The following DNAH10 variants were observed in gnomAD, a reference collection of about 807,000 sequenced individuals.
DNAH10 encodes the protein dynein axonemal heavy chain 10.
Under a neutral mutation model 506.6 loss-of-function variants are expected in DNAH10, and 348 were observed. The observed-to-expected ratio is 0.69, with a 90% CI of 0.63 to 0.75. The LOEUF (loss-of-function observed/expected upper bound fraction) is 0.75, where lower values mean the gene tolerates loss of function less well. Ranked by LOEUF, DNAH10 falls within the 30% of genes least tolerant of loss-of-function variation. The probability of loss-of-function intolerance (pLI) is 0.00; values close to 1 mark genes in which losing one functional copy is unlikely to be tolerated. For synonymous variants in DNAH10, 2,059 were observed against 2,198.6 expected (o/e 0.94, Z 1.78); for missense variants, 5,179 against 5,787.1 (o/e 0.89, Z 3.41).
In DNAH10 at chr12:123,916,326, CT is replaced by C. The variant is rs1286699144; in HGVS notation, c.10723-129del. On this transcript the variant is annotated intron_variant, in intron 62 of 78. Transcript: ENST00000673944. This position sits in a 1 kb window ranked among gnomAD's most constrained non-coding sequence, Gnocchi z 4.6. ...TATGCGTTATACCCCTTGCTTCTCT[CT>C]TCTTTTCACCTCTGGCCCCCTCCAA... 1.6e-6 allele frequency: 2 copies of C among 1,215,650 alleles called. No homozygotes were observed. Among genetic ancestry groups the C allele is most frequent in the Non-Finnish European group, 2.3e-6 (2 of 870,736 alleles). The allele number at this position is 1,215,650 out of a possible 1,614,324, so 75.3% of individuals were successfully genotyped here. A position where few individuals can be genotyped will look rare whatever the true frequency, so the allele number is the denominator to read the frequency against.
intron 24 of DNAH10, among the ~76,000 whole-genome samples, chr12:123,825,416 G>A (rs1959870770): frequency 6.6e-6 from 1 of 152,212 alleles, no homozygotes. Context: ...TAAATAAGCT[G>A]TGGCTCATCC....
intron 48 of DNAH10, among the ~76,000 whole-genome samples, chr12:123,878,596 C>T (rs914314618): frequency 6.6e-6 from 1 of 152,052 alleles, no homozygotes; most frequent in Non-Finnish European, 1.5e-5. Flanking sequence ...TGAGTTGGCT[C>T]TTAGAAAAAG....
intron 52 of DNAH10, among the ~76,000 whole-genome samples, chr12:123,891,861 G>T (rs1174471185): frequency 1.3e-5 from 2 of 152,182 alleles, no homozygotes; most frequent in Non-Finnish European, 2.9e-5. Flanking sequence ...GTGCATGGGG[G>T]ACCCTAGGGA....
chr12:123,799,191 G>GTAAC, intron 13 of DNAH10, 55 bp from the exon 14 acceptor site: 1 of 1,502,208 alleles, frequency 6.7e-7, no homozygotes. Context: ...TGTAGAGCGA[G>GTAAC]ATGAAAAATG....
intron 29 of DNAH10, among the ~76,000 whole-genome samples, chr12:123,840,394 GTTTTTTTTTTTTT>G (rs71088961): frequency 1.9e-4 from 7 of 37,758 alleles, no homozygotes; most frequent in South Asian, 1.2e-3. Flanking sequence ...TCTGTTTCCA[GTTTTTTTTTTTTT>G]TTTTTTTTTT....
At position 123,826,728 on chromosome 12, in the gene DNAH10, G is replaced by C; in HGVS notation, c.4221G>C (p.Leu1407=). The stretch of plus-strand genomic sequence containing the variant: ...GGTCTCAGACCCTTTGGATCAACCT[G>C]AATGTGCAGATTCTCCAGGAAGGAA... ...EEWSQTLWIN[L]NVQILQEGIE... The change falls in exon 25 of 79, where the codon CTG becomes CTC. Residue 1407 remains leucine, a synonymous_variant. Coordinates refer to ENST00000673944, the MANE Select transcript of DNAH10 (RefSeq NM_001372106.1). 6.2e-7 allele frequency: 1 copy of C among 1,613,834 alleles called. No individual in the cohort carries two copies. The highest frequency in any genetic ancestry group is 8.5e-7 in the Non-Finnish European group (1 of 1,179,774).
chr12:123,908,102 C>CTGTCTCCTCCCTGTCTCT lies in DNAH10; in HGVS notation c.9816-1159_9816-1158insTGTCTCCTCCCTGTCTCT, dbSNP rs1566082840. On this transcript the variant is annotated intron_variant, in intron 57 of 78. Coordinates refer to ENST00000673944, the MANE Select transcript of DNAH10 (RefSeq NM_001372106.1). ...TGTCTCTCTGTCTCCTCCCTGTCTCCCTGTCTCCTCCCTGTCTCTCTGTCT... is the reference window on the plus strand; with the variant it reads ...TGTCTCTCTGTCTCCTCCCTGTCTCCTGTCTCCTCCCTGTCTCTCTGTCTCCTCCCTGTCTCTCTGTCT... Among the ~76,000 whole-genome samples, 8 of 108,230 alleles carry CTGTCTCCTCCCTGTCTCT rather than the reference C, an allele frequency of 7.4e-5. 1 individual carries two copies. Among genetic ancestry groups the CTGTCTCCTCCCTGTCTCT allele is most frequent in the African/African-American group, 3.1e-4 (7 of 22,236 alleles). The allele number at this position is 108,230 out of a possible 152,430, so 71.0% of individuals were successfully genotyped here. A position where few individuals can be genotyped will look rare whatever the true frequency, so the allele number is the denominator to read the frequency against.
intron 70 of DNAH10, chr12:123,929,049 T>C (rs1478155527): frequency 3.4e-6 from 2 of 594,354 alleles, no homozygotes; most frequent in African/African-American, 3.7e-5. Context: ...AAGGATCTCA[T>C]GGTTCAGAGG....
At position 123,898,684 on chromosome 12, in the gene DNAH10, C is replaced by G. The variant is rs189113355; in HGVS notation, c.9510C>G (p.Asp3170Glu). 6.3e-7 allele frequency: 1 copy of G among 1,596,138 alleles called. No homozygotes were observed. Among genetic ancestry groups the G allele is most frequent in the Non-Finnish European group, 8.5e-7 (1 of 1,171,666 alleles). The change falls in exon 56 of 79, where the codon GAC becomes GAG. Residue 3170 changes from aspartate to glutamate, a missense_variant. By Grantham distance (45) the Asp-to-Glu change is conservative (BLOSUM62 2). Transcript: ENST00000673944. Reference sequence around the variant, plus strand: ...GCAAGCGTCTGGATGGGGGACTGGACAAGCTGAAGGAGGCCACCATCCAGC... The same window carrying G: ...GCAAGCGTCTGGATGGGGGACTGGAGAAGCTGAAGGAGGCCACCATCCAGC... ...AQCKRLDGGLDKLKEATIQLD... is the reference protein window; with the variant it reads ...AQCKRLDGGLEKLKEATIQLD...
At chr12:123,901,154 G>C (rs1011687224) in intron 56 of DNAH10, among the ~76,000 whole-genome samples, 2 of 152,198 alleles carry the variant, frequency 1.3e-5, no homozygotes, top group African/African-American at 4.8e-5. Flanking sequence ...CAAGCACCTG[G>C]CTTCGCCAGC....
chr12:123,788,213 C>T lies in DNAH10; in HGVS notation c.1620+211C>T, dbSNP rs552550188. 1.4e-3 allele frequency among the ~76,000 whole-genome samples: 212 copies of T among 152,332 alleles called. 1 individual carries two copies. The highest frequency in any genetic ancestry group is 3.4e-3 in the Middle Eastern group (1 of 294). On this transcript the variant is annotated intron_variant, in intron 10 of 78. Transcript: ENST00000673944. ...TGCGACTTTTTGTTGCTTTCTCTGA[C>T]ATTCTTCCCTCTCCCTGCTTTTTGG...
rs567458918 is a variant in DNAH10, at chr12:123,867,943, G to A, written c.7343G>A (p.Gly2448Glu). 2.5e-6 allele frequency: 4 copies of A among 1,613,832 alleles called. No individual in the cohort carries two copies. The highest frequency in any genetic ancestry group is 3.4e-6 in the Non-Finnish European group (4 of 1,179,864). The change falls in exon 43 of 79, where the codon GGA becomes GAA. Residue 2448 changes from glycine to glutamate, a missense_variant. By Grantham distance (98) the Gly-to-Glu change is moderately conservative (BLOSUM62 -2). This residue lies in a region of DNAH10 where 4,844 missense variants were observed against 5,430.5 expected (regional missense o/e 0.89). Coordinates refer to ENST00000673944, the MANE Select transcript of DNAH10 (RefSeq NM_001372106.1). The part of the protein sequence containing the change: ...LAKMLDALLE[G>E]EIEDLDLLEC... ...AAGATGTTGGATGCGTTGCTAGAAGGAGAAATAGAAGACCTTGACCTGCTG... is the reference window on the plus strand; with the variant it reads ...AAGATGTTGGATGCGTTGCTAGAAGAAGAAATAGAAGACCTTGACCTGCTG...
At chr12:123,823,803 GAC>G (rs1959681536) in intron 24 of DNAH10, among the ~76,000 whole-genome samples, 1 of 151,852 alleles carries the variant, frequency 6.6e-6, no homozygotes, top group African/African-American at 2.4e-5. Context: ...AATTTTTATT[GAC>G]TATAGTCACC....
chr12:123,829,834 C>G (rs1444428385), intron 25 of DNAH10, among the ~76,000 whole-genome samples: 1 of 152,152 alleles, frequency 6.6e-6, no homozygotes, highest in Non-Finnish European at 1.5e-5. Flanking sequence ...TCCATATACA[C>G]AGAACTAAAA....
At chr12:123,806,700 T>C (rs1958685990) in intron 18 of DNAH10, among the ~76,000 whole-genome samples, 1 of 152,212 alleles carries the variant, frequency 6.6e-6, no homozygotes, top group Non-Finnish European at 1.5e-5. Context: ...CTACTTTTAA[T>C]TTAGATTCCT....
At chr12:123,906,789 T>C (rs754333982) in intron 57 of DNAH10, among the ~76,000 whole-genome samples, 5 of 152,222 alleles carry the variant, frequency 3.3e-5, no homozygotes, top group Admixed American at 6.5e-5. Flanking sequence ...GAGCCGGCAC[T>C]TACATCTTGA....
At chr12:123,892,079 C>T (rs1953008126) in intron 52 of DNAH10, among the ~76,000 whole-genome samples, 1 of 152,200 alleles carries the variant, frequency 6.6e-6, no homozygotes, top group African/African-American at 2.4e-5. Flanking sequence ...GGAGGGAGAG[C>T]GGGTAGTCAG....
At chr12:123,816,605 G>A (rs188861287) in intron 21 of DNAH10, among the ~76,000 whole-genome samples, 1 of 152,308 alleles carries the variant, frequency 6.6e-6, no homozygotes, top group East Asian at 1.9e-4. Context: ...TCAGTGATGG[G>A]AAGTAAAGTG....
chr12:123,855,644 A>T (rs79654795), intron 36 of DNAH10, among the ~76,000 whole-genome samples: 5,676 of 149,968 alleles, frequency 0.038, 330 homozygotes, highest in African/African-American at 0.12. Context: ...AAAAAAAAAA[A>T]AAAAATAATA....
Sources: gnomAD v4.1 joint callset for allele counts (sites outside exome capture counted in the v4.1 genomes callset) on GRCh38, gnomAD v4.1.1 for gene constraint, gnomAD v4.1.1 regional missense constraint, Gnocchi (gnomAD v3.1) non-coding constraint, MANE v1.5 for transcripts, NCBI Gene and HGNC (gene_info 2026-07-23, HGNC 2026-07-21) for gene names.